Variants in GRID2 observed in about 807,000 individuals in gnomAD.
GRID2 encodes the protein glutamate ionotropic receptor delta type subunit 2, also known as glutamate receptor ionotropic, delta-2.
Under a neutral mutation model 114.8 loss-of-function variants are expected in GRID2, and 33 were observed. The ratio of observed to expected loss-of-function variants is 0.29; its 90% CI spans 0.22 to 0.38. The LOEUF (loss-of-function observed/expected upper bound fraction) is 0.38, where lower values mean the gene tolerates loss of function less well. Among genes scored for constraint, GRID2 ranks in the 10% least tolerant of loss-of-function variants. The probability of loss-of-function intolerance (pLI) is 1.00; values close to 1 mark genes in which losing one functional copy is unlikely to be tolerated. For synonymous variants in GRID2, 505 were observed against 449.9 expected (o/e 1.12, Z -1.55); for missense variants, 1,184 against 1,257.7 (o/e 0.94, Z 0.89).
At chr4:93,565,106 C>A (rs544443379) in intron 13 of GRID2, among the ~76,000 whole-genome samples, 1 of 151,660 alleles carries the variant, frequency 6.6e-6, no homozygotes, top group African/African-American at 2.4e-5. Flanking sequence ...ATAAATATTT[C>A]CTTACTAAAA....
chr4:92,884,389 A>C (rs1746224981), intron 2 of GRID2, among the ~76,000 whole-genome samples: 1 of 152,202 alleles, frequency 6.6e-6, no homozygotes, highest in East Asian at 1.9e-4. Context: ...TGGTTTTCTT[A>C]TTATCTGTGG....
intron 14 of GRID2, among the ~76,000 whole-genome samples, chr4:93,631,897 T>C (rs1720930920): frequency 6.6e-6 from 1 of 152,240 alleles, no homozygotes; most frequent in Non-Finnish European, 1.5e-5. Context: ...GACTTTTTAA[T>C]GATGGCCATT....
chr4:93,164,363 G>A (rs973762170), intron 4 of GRID2, among the ~76,000 whole-genome samples: 1 of 152,032 alleles, frequency 6.6e-6, no homozygotes, highest in Non-Finnish European at 1.5e-5. Flanking sequence ...GCAGCACTGA[G>A]TAGTGGCATC....
intron 2 of GRID2, among the ~76,000 whole-genome samples, chr4:92,909,118 A>G (rs1278601361): frequency 6.6e-6 from 1 of 152,166 alleles, no homozygotes; most frequent in Non-Finnish European, 1.5e-5. Context: ...ATACCTTATC[A>G]TATCTTTAAA....
At chr4:92,543,777 A>C (rs1271989176) in intron 1 of GRID2, among the ~76,000 whole-genome samples, 1 of 152,186 alleles carries the variant, frequency 6.6e-6, no homozygotes, top group Non-Finnish European at 1.5e-5. Flanking sequence ...GGAAAAAATG[A>C]CAGTGTCAAA....
At chr4:92,733,411 C>G (rs1042484831) in intron 2 of GRID2, among the ~76,000 whole-genome samples, 3 of 152,076 alleles carry the variant, frequency 2.0e-5, no homozygotes, top group Admixed American at 2.0e-4. Context: ...GAAATGCTGT[C>G]TATTCTATTC....
At chr4:93,658,488 C>T (rs1389460869) in intron 14 of GRID2, among the ~76,000 whole-genome samples, 1 of 152,038 alleles carries the variant, frequency 6.6e-6, no homozygotes, top group Non-Finnish European at 1.5e-5. Context: ...TTGCAACTAC[C>T]GTGTTTTACA....
chr4:92,502,478 T>C (rs1723733179), intron 1 of GRID2, among the ~76,000 whole-genome samples: 1 of 151,960 alleles, frequency 6.6e-6, no homozygotes, highest in Non-Finnish European at 1.5e-5. Flanking sequence ...TGATTAAATA[T>C]AACATAAATA....
At chr4:93,573,698 T>G (rs1354442133) in intron 13 of GRID2, among the ~76,000 whole-genome samples, 1 of 152,184 alleles carries the variant, frequency 6.6e-6, no homozygotes, top group Non-Finnish European at 1.5e-5. Flanking sequence ...GTGCTAACAT[T>G]TTAGTATATC....
chr4:92,875,336 T>C (rs2149450516), intron 2 of GRID2, among the ~76,000 whole-genome samples: 1 of 152,082 alleles, frequency 6.6e-6, no homozygotes, highest in East Asian at 1.9e-4. Context: ...GCTAATTTTT[T>C]TCTATTTTTA....
At chr4:92,754,052 T>G (rs767154485) in intron 2 of GRID2, among the ~76,000 whole-genome samples, 6 of 152,208 alleles carry the variant, frequency 3.9e-5, no homozygotes, top group Non-Finnish European at 8.8e-5. Context: ...TTTACATATT[T>G]GCTAATGCAT....
rs1485359174 is a variant in GRID2, at chr4:93,058,455, A to G, written c.245-26540A>G. 3.3e-5 allele frequency among the ~76,000 whole-genome samples: 5 copies of G among 152,034 alleles called. No individual in the cohort carries two copies. The East Asian group carries it at 9.7e-4, about 29-fold the overall frequency. On this transcript the variant is annotated intron_variant, in intron 2 of 15. Coordinates refer to ENST00000282020, the MANE Select transcript of GRID2 (RefSeq NM_001510.4). ...AGAATTGGGAATGTCTATATTCATC[A>G]CCATTTGTTTTTATTTGGACTTAGT...
At chr4:92,331,827 CACAATAGAGGCAGGA>C (rs1726904414) in intron 1 of GRID2, among the ~76,000 whole-genome samples, 2 of 152,146 alleles carry the variant, frequency 1.3e-5, no homozygotes. Context: ...AAATCTAACA[CACAATAGAGGCAGGA>C]ACACCTGCTG....
chr4:92,524,194 T>C (rs1724923188), intron 1 of GRID2, among the ~76,000 whole-genome samples: 1 of 151,862 alleles, frequency 6.6e-6, no homozygotes, highest in Non-Finnish European at 1.5e-5. Flanking sequence ...CAGAAGAAAA[T>C]AGAAGTAAAT....
At chr4:92,970,303 C>G (rs1276174020) in intron 2 of GRID2, among the ~76,000 whole-genome samples, 1 of 151,818 alleles carries the variant, frequency 6.6e-6, no homozygotes, top group Non-Finnish European at 1.5e-5. Context: ...CAAAATCTTT[C>G]TTTATTCAGT....
At chr4:93,615,303 C>T (rs1741496123) in intron 13 of GRID2, among the ~76,000 whole-genome samples, 1 of 152,012 alleles carries the variant, frequency 6.6e-6, no homozygotes, top group African/African-American at 2.4e-5. Context: ...CTAAGGTGTC[C>T]ACCATTTTTA....
At chr4:93,054,634 A>G (rs1414528595) in intron 2 of GRID2, among the ~76,000 whole-genome samples, 1 of 151,942 alleles carries the variant, frequency 6.6e-6, no homozygotes, top group Non-Finnish European at 1.5e-5. Flanking sequence ...CACATGCTAT[A>G]CCAGTTTTAT....
chr4:93,802,469 G>A (rs2110368111), intron 1 of GRID2, among the ~76,000 whole-genome samples: 1 of 152,120 alleles, frequency 6.6e-6, no homozygotes. Flanking sequence ...GATTTCATGA[G>A]GTGTTACTAG....
At chr4:92,816,662 A>G (rs1740938856) in intron 2 of GRID2, among the ~76,000 whole-genome samples, 2 of 152,134 alleles carry the variant, frequency 1.3e-5, no homozygotes, top group South Asian at 4.1e-4. Flanking sequence ...GAGTTCTGGC[A>G]TTTGATTCAT....
Sources: allele counts gnomAD v4.1 joint callset (sites outside exome capture counted in the v4.1 genomes callset), GRCh38; gene constraint gnomAD v4.1.1; transcripts MANE v1.5; gene names NCBI Gene and HGNC (gene_info 2026-07-23, HGNC 2026-07-21).